The following FAM135B variants were observed in gnomAD, a reference collection of about 807,000 sequenced individuals.
The protein encoded by FAM135B is protein FAM135B.
FAM135B carries 43 observed loss-of-function variants against 127.7 expected under a neutral mutation model. The observed-to-expected ratio is 0.34, with a 90% CI of 0.26 to 0.43. The LOEUF is 0.43. FAM135B is among the 20% of genes least tolerant of loss of function. The probability of loss-of-function intolerance (pLI) is 1.00; values close to 1 mark genes in which losing one functional copy is unlikely to be tolerated. For synonymous variants in FAM135B, 670 were observed against 665.1 expected, an observed-to-expected ratio of 1.01 and a Z score of -0.11; for missense variants, 1,558 against 1,725.6, an observed-to-expected ratio of 0.90 and a Z score of 1.72.
At chr8:138,205,730 C>T (rs1262351853) in intron 7 of FAM135B, among the ~76,000 whole-genome samples, 2 of 152,132 alleles carry the variant, frequency 1.3e-5, no homozygotes, top group Non-Finnish European at 2.9e-5. Flanking sequence ...TCAAAAATGA[C>T]TTTTTCTATT....
chr8:138,411,658 CT>C (rs1219887395), intron 1 of FAM135B, among the ~76,000 whole-genome samples: 6 of 152,074 alleles, frequency 3.9e-5, no homozygotes, highest in Non-Finnish European at 2.9e-5. Flanking sequence ...AACTAAAAAG[CT>C]TCTGCACAGC....
At chr8:138,155,371 G>C (rs542270433) in intron 12 of FAM135B, among the ~76,000 whole-genome samples, 7 of 152,326 alleles carry the variant, frequency 4.6e-5, no homozygotes, top group African/African-American at 1.7e-4. Context: ...TCGATGCTGG[G>C]AAGAAGCTGC....
chr8:138,188,687 C>T (rs1815810876), intron 9 of FAM135B, among the ~76,000 whole-genome samples: 1 of 152,206 alleles, frequency 6.6e-6, no homozygotes, highest in Admixed American at 6.5e-5. Flanking sequence ...CCATGCCCTG[C>T]CTTCCTGCAG....
chr8:138,310,978 A>G (rs895591950), intron 2 of FAM135B, 58 bp from the exon 3 acceptor site: 87 of 1,377,766 alleles, frequency 6.3e-5, no homozygotes, highest in Non-Finnish European at 8.5e-5. Flanking sequence ...GTTGACTTCT[A>G]AAAATACCTA....
At chr8:138,416,108 C>A (rs113338505) in intron 1 of FAM135B, among the ~76,000 whole-genome samples, 7 of 152,280 alleles carry the variant, frequency 4.6e-5, no homozygotes, top group African/African-American at 1.7e-4. Context: ...AAATTCAGCT[C>A]AGTTTGTAAG....
chr8:138,374,874 C>T (rs984820300), intron 1 of FAM135B, among the ~76,000 whole-genome samples: 1 of 152,132 alleles, frequency 6.6e-6, no homozygotes, highest in Non-Finnish European at 1.5e-5. Context: ...GAGGGCAGGA[C>T]ATGATTCAGA....
chr8:138,359,188 A>AT (rs1265935455), intron 2 of FAM135B, among the ~76,000 whole-genome samples: 3 of 152,174 alleles, frequency 2.0e-5, no homozygotes, highest in African/African-American at 7.2e-5. Context: ...GGGGGATGTA[A>AT]AATTGTTATT....
intron 9 of FAM135B, among the ~76,000 whole-genome samples, chr8:138,191,505 C>T (rs1221530636): frequency 1.3e-5 from 2 of 152,102 alleles, no homozygotes; most frequent in Middle Eastern, 3.2e-3. Context: ...CTTCTAGGTG[C>T]CAGGAGCCCT....
intron 11 of FAM135B, among the ~76,000 whole-genome samples, chr8:138,175,556 A>C (rs1814375569): frequency 6.6e-6 from 1 of 152,198 alleles, no homozygotes; most frequent in South Asian, 2.1e-4. Flanking sequence ...AACTGTGCAC[A>C]TCTCTTCCCA....
chr8:138,326,330 C>A (rs948369266), intron 2 of FAM135B, among the ~76,000 whole-genome samples: 1 of 152,124 alleles, frequency 6.6e-6, no homozygotes, highest in Non-Finnish European at 1.5e-5. Context: ...AACATCATTA[C>A]AAGATGTCAG....
At chr8:138,361,551 C>G (rs914028830) in intron 2 of FAM135B, among the ~76,000 whole-genome samples, 1 of 152,214 alleles carries the variant, frequency 6.6e-6, no homozygotes, top group Non-Finnish European at 1.5e-5. Flanking sequence ...GGCAAAGCCA[C>G]ACTTTACATC....
At chr8:138,492,188 C>T (rs1815230265) in intron 1 of FAM135B, among the ~76,000 whole-genome samples, 1 of 152,072 alleles carries the variant, frequency 6.6e-6, no homozygotes, top group Non-Finnish European at 1.5e-5. Flanking sequence ...TTGCCTTCTT[C>T]TCTCACGGTG....
intron 1 of FAM135B, among the ~76,000 whole-genome samples, chr8:138,477,932 C>T (rs1814587538): frequency 6.6e-6 from 1 of 152,138 alleles, no homozygotes; most frequent in Non-Finnish European, 1.5e-5. Context: ...AAAAGACAGA[C>T]ATACAGTAAA....
chr8:138,213,755 A>G (rs564105528), intron 7 of FAM135B, among the ~76,000 whole-genome samples: 10 of 152,262 alleles, frequency 6.6e-5, no homozygotes, highest in East Asian at 5.8e-4. Flanking sequence ...GGAAAGTCCA[A>G]TGAACTCACT....
At position 138,152,858 on chromosome 8, in the gene FAM135B, CCTT is replaced by C. The variant is rs765401074; in HGVS notation, c.1614_1616del (p.Arg539del). The C allele has an allele frequency of 6.2e-6, 10 of 1,614,052 alleles. No homozygotes were observed. Among genetic ancestry groups the C allele is most frequent in the South Asian group, 2.2e-5 (2 of 91,092 alleles). On this transcript the variant is annotated inframe_deletion, in exon 13 of 20. Transcript: ENST00000395297. ...CCTGTCCATCCTCTGGACCTGGACT[CCTT>C]CTAGAAGTATCCACATCTGCCACTG...
intron 19 of FAM135B, among the ~76,000 whole-genome samples, chr8:138,134,923 T>C (rs1226263075): frequency 6.6e-6 from 1 of 152,134 alleles, no homozygotes; most frequent in Non-Finnish European, 1.5e-5. Context: ...AAATGGCCAT[T>C]GTGAATATCA....
chr8:138,259,915 T>C (rs1822413162), intron 4 of FAM135B, among the ~76,000 whole-genome samples: 1 of 152,140 alleles, frequency 6.6e-6, no homozygotes, highest in Non-Finnish European at 1.5e-5. Flanking sequence ...ATAGCTATAG[T>C]AATAGTCAAA....
chr8:138,445,819 G>T (rs574473085), intron 1 of FAM135B, among the ~76,000 whole-genome samples: 120 of 152,268 alleles, frequency 7.9e-4, no homozygotes, highest in Middle Eastern at 3.4e-3. Flanking sequence ...TCAGGCAGGA[G>T]AAAGAAATAA....
Position 138,496,868 on chromosome 8 carries a change from G to C in FAM135B, c.-217C>G, listed in dbSNP as rs1815417480. 6.6e-6 allele frequency: 1 copy of C among 151,710 alleles called. No individual in the cohort carries two copies. Among genetic ancestry groups the C allele is most frequent in the Non-Finnish European group, 1.5e-5 (1 of 67,994 alleles). The allele number at this position is 151,710 out of a possible 1,614,324, so 9.4% of individuals were successfully genotyped here. The stretch of plus-strand genomic sequence containing the variant: ...CCTGGAGGAGGAGCGAGCGGATGCT[G>C]CCCTCGCCCGCCGCCGCCGGTGCTG... On this transcript the variant is annotated 5_prime_UTR_variant, in exon 1 of 20. Transcript: ENST00000395297.
Sources: gnomAD v4.1 joint callset for allele counts (sites outside exome capture counted in the v4.1 genomes callset) on GRCh38, gnomAD v4.1.1 for gene constraint, MANE v1.5 for transcripts, NCBI Gene and HGNC (gene_info 2026-07-23, HGNC 2026-07-21) for gene names.